Variants in PTPRD observed in about 807,000 individuals in gnomAD.
The protein encoded by PTPRD is protein tyrosine phosphatase receptor type D.
A neutral mutation model predicts 214.5 loss-of-function variants in PTPRD; 34 were observed. That is an observed-to-expected ratio of 0.16 (90% CI 0.12 to 0.21). The LOEUF (loss-of-function observed/expected upper bound fraction) is 0.21, where lower values mean the gene tolerates loss of function less well. Among genes scored for constraint, PTPRD ranks in the 10% least tolerant of loss-of-function variants. The probability of loss-of-function intolerance (pLI) is 1.00; values close to 1 mark genes in which losing one functional copy is unlikely to be tolerated. For synonymous variants in PTPRD, 1,128 were observed against 845.7 expected, an observed-to-expected ratio of 1.33 and a Z score of -5.79; for missense variants, 2,545 against 2,398.7, an observed-to-expected ratio of 1.06 and a Z score of -1.27.
intron 7 of PTPRD, among the ~76,000 whole-genome samples, chr9:9,638,654 T>A (rs1031311690): frequency 6.6e-6 from 1 of 152,212 alleles, no homozygotes; most frequent in African/African-American, 2.4e-5. Flanking sequence ...ATCCATTACC[T>A]AGTGCCGAAA....
At chr9:10,388,331 AT>A (rs2097967770) in intron 2 of PTPRD, among the ~76,000 whole-genome samples, 1 of 151,852 alleles carries the variant, frequency 6.6e-6, no homozygotes, top group African/African-American at 2.4e-5. Context: ...AGATAAAATG[AT>A]TAAAAAGAAA....
At chr9:8,517,707 A>G (rs2097807320) in intron 21 of PTPRD, 141 bp downstream of exon 21, 2 of 684,092 alleles carry the variant, frequency 2.9e-6, no homozygotes, top group African/African-American at 1.8e-5. Context: ...CTTTTCAGAT[A>G]TCTATCATCT....
chr9:9,019,636 G>A (rs967884779), intron 10 of PTPRD, among the ~76,000 whole-genome samples: 6 of 152,134 alleles, frequency 3.9e-5, no homozygotes, highest in African/African-American at 1.4e-4. Flanking sequence ...AACCCAGGAG[G>A]CGGAGGTTGC....
intron 11 of PTPRD, among the ~76,000 whole-genome samples, chr9:8,850,421 T>G (rs1465246507): frequency 6.6e-6 from 1 of 152,156 alleles, no homozygotes; most frequent in Non-Finnish European, 1.5e-5. Flanking sequence ...CAGAGTTCCA[T>G]GTTGATGAAG....
At chr9:9,034,259 T>C (rs1370350454) in intron 10 of PTPRD, among the ~76,000 whole-genome samples, 3 of 152,132 alleles carry the variant, frequency 2.0e-5, no homozygotes, top group Non-Finnish European at 4.4e-5. Context: ...GGAATCCATA[T>C]ACAGCGTATC....
At chr9:9,075,397 G>T (rs768367972) in intron 10 of PTPRD, among the ~76,000 whole-genome samples, 3 of 151,490 alleles carry the variant, frequency 2.0e-5, no homozygotes, top group Non-Finnish European at 4.4e-5. Context: ...TTATTCATTC[G>T]ATATCGGTAT....
intron 5 of PTPRD, among the ~76,000 whole-genome samples, chr9:9,833,218 G>A (rs898646851): frequency 7.9e-5 from 12 of 152,092 alleles, no homozygotes; most frequent in Middle Eastern, 3.4e-3. Flanking sequence ...TTTCCAAAGC[G>A]TCGACTGGCT....
intron 9 of PTPRD, among the ~76,000 whole-genome samples, chr9:9,212,173 T>C (rs1197401037): frequency 6.6e-6 from 1 of 152,190 alleles, no homozygotes; most frequent in Non-Finnish European, 1.5e-5. Context: ...CACTATTCAT[T>C]GGTGAATTCC....
At chr9:9,943,201 A>G (rs1030457194) in intron 4 of PTPRD, among the ~76,000 whole-genome samples, 2 of 152,156 alleles carry the variant, frequency 1.3e-5, no homozygotes, top group Non-Finnish European at 2.9e-5. Flanking sequence ...AACTTGTTAG[A>G]TATCCTAATA....
chr9:8,937,359 A>G (rs1379587465), intron 11 of PTPRD, among the ~76,000 whole-genome samples: 1 of 152,160 alleles, frequency 6.6e-6, no homozygotes, highest in African/African-American at 2.4e-5. Flanking sequence ...ATAAAGCCAC[A>G]TTTTCAGAAT....
intron 8 of PTPRD, among the ~76,000 whole-genome samples, chr9:9,459,857 A>T (rs895998529): frequency 3.3e-5 from 5 of 152,104 alleles, no homozygotes; most frequent in African/African-American, 4.8e-5. Context: ...AAAAATTCAT[A>T]TGGAACCCAA....
intron 5 of PTPRD, among the ~76,000 whole-genome samples, chr9:9,897,182 G>GGGTT (rs1413651906): frequency 6.6e-6 from 1 of 150,838 alleles, no homozygotes; most frequent in African/African-American, 2.4e-5. Context: ...CACCCCCTGG[G>GGGTT]GGTTGGTAAA....
intron 2 of PTPRD, among the ~76,000 whole-genome samples, chr9:10,508,812 G>T (rs2046983450): frequency 1.3e-5 from 2 of 151,946 alleles, no homozygotes; most frequent in African/African-American, 2.4e-5. Context: ...GGGTAGAGGG[G>T]AAGGAAAGCA....
rs2138505806 is a variant in PTPRD at position 8,518,062 on chromosome 9, C to A, written c.1329G>T (p.Glu443Asp). ...TATATCCTTGGATCTGTCCATTTGG[C>A]TCTTCAGGTTCCTTCCACTGTACCA... ...TILVQWKEPE[E>D]PNGQIQGYRV... Residue 443 changes from glutamate to aspartate, a missense_variant, in exon 21 of 46, where the codon GAG becomes GAT. Glu to Asp is a conservative substitution (Grantham distance 45). Coordinates refer to ENST00000381196, the MANE Select transcript of PTPRD (RefSeq NM_002839.4). 3.1e-6 allele frequency: 5 copies of A among 1,614,200 alleles called. No homozygotes were observed. The highest frequency in any genetic ancestry group is 4.2e-6 in the Non-Finnish European group (5 of 1,180,030).
chr9:10,043,803 G>A (rs561301939), intron 3 of PTPRD, among the ~76,000 whole-genome samples: 1 of 151,926 alleles, frequency 6.6e-6, no homozygotes, highest in African/African-American at 2.4e-5. Flanking sequence ...GCACACAGCT[G>A]CAAAATTCCA....
chr9:10,438,981 C>CT (rs2098740896), intron 2 of PTPRD, among the ~76,000 whole-genome samples: 1 of 151,648 alleles, frequency 6.6e-6, no homozygotes, highest in African/African-American at 2.4e-5. Context: ...TTGTTGTCCC[C>CT]TGTTTGGACC....
intron 5 of PTPRD, among the ~76,000 whole-genome samples, chr9:9,827,117 A>G (rs2053166177): frequency 6.6e-6 from 1 of 152,154 alleles, no homozygotes; most frequent in South Asian, 2.1e-4. Flanking sequence ...CTCCCCATCA[A>G]GCTACCAATG....
chr9:8,854,774 T>TA (rs770043198), intron 11 of PTPRD, among the ~76,000 whole-genome samples: 16 of 152,322 alleles, frequency 1.1e-4, no homozygotes, highest in Middle Eastern at 6.8e-3. Context: ...CTTACAAAGC[T>TA]ACTTTAATCA....
chr9:8,461,305 T>C (rs1260207115), intron 32 of PTPRD, among the ~76,000 whole-genome samples: 1 of 152,120 alleles, frequency 6.6e-6, no homozygotes, highest in South Asian at 2.1e-4. Flanking sequence ...ATTACAGTTA[T>C]TGCTCAGAGA....
Sources: gnomAD v4.1 joint callset for allele counts (sites outside exome capture counted in the v4.1 genomes callset) on GRCh38, gnomAD v4.1.1 for gene constraint, MANE v1.5 for transcripts, NCBI Gene and HGNC (gene_info 2026-07-23, HGNC 2026-07-21) for gene names.